The following STK10 variants were observed in gnomAD, a reference collection of about 807,000 sequenced individuals.
STK10 encodes the protein serine/threonine kinase 10.
In STK10, 78 loss-of-function variants were observed where a neutral mutation model predicts 113.8. The observed-to-expected ratio is 0.69, with a 90% CI of 0.57 to 0.83. The LOEUF (loss-of-function observed/expected upper bound fraction) is 0.83, where lower values mean the gene tolerates loss of function less well. Ranked by LOEUF, STK10 falls within the 40% of genes least tolerant of loss-of-function variation. The probability of loss-of-function intolerance (pLI) is 0.00; values close to 1 mark genes in which losing one functional copy is unlikely to be tolerated. For missense variants in STK10, 1,109 were observed against 1,280.1 expected (o/e 0.87, Z 2.04); for synonymous variants, 465 against 494.7 (o/e 0.94, Z 0.80).
In STK10 at chr5:172,094,186, C is replaced by G. The variant is rs150482307; in HGVS notation, c.1006-226G>C. 2.0e-3 allele frequency among the ~76,000 whole-genome samples: 306 copies of G among 152,212 alleles called. 2 individuals are homozygous for G. The Middle Eastern group carries it at 0.02, about 10-fold the overall frequency. On this transcript the variant is annotated intron_variant, in intron 8 of 18. Transcript: ENST00000176763. ...GCAATCTCCTCACTATCTCTAATCT[C>G]AGCTGAATGTAATAGCTGTTATTCC...
intron 3 of STK10, among the ~76,000 whole-genome samples, chr5:172,118,818 G>A (rs978024573): frequency 6.8e-6 from 1 of 146,646 alleles, no homozygotes; most frequent in Non-Finnish European, 1.5e-5. Flanking sequence ...GGCAGAGGTT[G>A]CAGTGAGCCG....
At chr5:172,055,292 C>T (rs150409447) in intron 16 of STK10, among the ~76,000 whole-genome samples, 2,298 of 152,164 alleles carry the variant, frequency 0.015, 28 homozygotes, top group East Asian at 0.041. Context: ...CTCTGCCTCC[C>T]GGGCTCAAGC....
chr5:172,164,740 G>A (rs1047488137), intron 1 of STK10, among the ~76,000 whole-genome samples: 1 of 152,130 alleles, frequency 6.6e-6, no homozygotes, highest in African/African-American at 2.4e-5. Context: ...GGAAAGCTAA[G>A]GGTGGTCCAA....
chr5:172,057,443 T>A lies in STK10; in HGVS notation c.2243A>T (p.Glu748Val), dbSNP rs973911741. Residue 748 changes from glutamate to valine, a missense_variant, in exon 15 of 19, where the codon GAG becomes GTG. Around this residue, in one of 5 missense-constraint regions of STK10, gnomAD observed 885 missense variants for 991.1 expected, o/e 0.89. Transcript: ENST00000176763. ...CTGGTGCCTCTCCTGCAGCTGGTGC[T>A]CTTCCATCTCCCACAGGGCTGCTTC... ...DREAALWEME[E>V]HQLQERHQLV... 5 of 1,550,596 alleles carry A rather than the reference T, an allele frequency of 3.2e-6. No individual in the cohort carries two copies. In the African/African-American group the frequency reaches 6.8e-5, roughly 21 times the overall value.
At chr5:172,059,882 C>G (rs1316088252) in intron 14 of STK10, among the ~76,000 whole-genome samples, 1 of 152,210 alleles carries the variant, frequency 6.6e-6, no homozygotes, top group Non-Finnish European at 1.5e-5. Flanking sequence ...GAACTCCCAA[C>G]AGCACCAGGG....
chr5:172,122,844 C>A (rs555355375), intron 3 of STK10, among the ~76,000 whole-genome samples: 3 of 152,106 alleles, frequency 2.0e-5, no homozygotes, highest in African/African-American at 7.2e-5. Flanking sequence ...AGGATGGTCT[C>A]GATCTCCTGA....
chr5:172,130,266 C>CA (rs1233250205), intron 2 of STK10, among the ~76,000 whole-genome samples: 3 of 152,176 alleles, frequency 2.0e-5, no homozygotes, highest in Non-Finnish European at 4.4e-5. Context: ...GGCAGTGACT[C>CA]ACTCTTGTAA....
chr5:172,091,930 C>T (rs549552787), intron 9 of STK10, among the ~76,000 whole-genome samples: 218 of 152,326 alleles, frequency 1.4e-3, no homozygotes, highest in African/African-American at 5.0e-3. Flanking sequence ...GGTCTCTTGA[C>T]CCCTTGAAAT....
chr5:172,168,216 A>G (rs1770604313), intron 1 of STK10, among the ~76,000 whole-genome samples: 1 of 152,228 alleles, frequency 6.6e-6, no homozygotes, highest in Admixed American at 6.5e-5. Flanking sequence ...GTGTCACACA[A>G]TGTACAGCTG....
rs148783099 is a variant in STK10, at chr5:172,161,314, G to T, written c.157-4526C>A. On this transcript the variant is annotated intron_variant, in intron 1 of 18. Transcript: ENST00000176763. ...TAAAAATACAAAAAATTAGCCAGGC[G>T]TGGTGGTGACCGCCTGTAGTCCCAA... Among the ~76,000 whole-genome samples, 780 of 152,186 alleles carry T rather than the reference G, an allele frequency of 5.1e-3. 10 individuals carry two copies. Among genetic ancestry groups the T allele is most frequent in the African/African-American group, 0.018 (743 of 41,506 alleles).
chr5:172,089,415 T>TGGATGGATGGATGGAA (rs1554118118), intron 10 of STK10, among the ~76,000 whole-genome samples: 7 of 148,224 alleles, frequency 4.7e-5, no homozygotes, highest in Non-Finnish European at 1.0e-4. Flanking sequence ...GATGGATGGA[T>TGGATGGATGGATGGAA]GGATGGATGG....
intron 12 of STK10, among the ~76,000 whole-genome samples, chr5:172,075,591 C>T (rs145490602): frequency 0.013 from 1,932 of 152,228 alleles, 38 homozygotes; most frequent in African/African-American, 0.044. Context: ...GCAGGAGAAT[C>T]GCTTGAACCT....
intron 1 of STK10, among the ~76,000 whole-genome samples, chr5:172,181,965 C>T (rs748177101): frequency 2.6e-5 from 4 of 152,044 alleles, no homozygotes; most frequent in Non-Finnish European, 4.4e-5. Context: ...TTAATTGCTG[C>T]TATTTGTTTG....
chr5:172,081,351 C>CAAAAAAAAAAAAAAAAAAA (rs58173076), intron 12 of STK10, among the ~76,000 whole-genome samples: 1 of 68,616 alleles, frequency 1.5e-5, no homozygotes, highest in Non-Finnish European at 2.9e-5. Flanking sequence ...ACTCCATCTC[C>CAAAAAAAAAAAAAAAAAAA]AAAAAAAAAA....
intron 15 of STK10, 196 bp downstream of exon 15, chr5:172,057,153 A>C: frequency 1.5e-6 from 1 of 661,866 alleles, no homozygotes; most frequent in Non-Finnish European, 2.5e-6. Flanking sequence ...CGTTTCCCCT[A>C]TTCCTAGCCC....
At chr5:172,061,004 T>C (rs1767918680) in intron 14 of STK10, 135 bp downstream of exon 14, 2 of 1,360,682 alleles carry the variant, frequency 1.5e-6, no homozygotes, top group South Asian at 1.6e-5. Context: ...TCCCCAGGTT[T>C]CCCCATGAAG....
rs2113702397 is a variant in STK10 at position 172,061,225 on chromosome 5, G to A, written c.2126C>T (p.Ala709Val). The A allele has an allele frequency of 6.2e-7, 1 of 1,613,206 alleles. No homozygotes were observed. Among genetic ancestry groups the A allele is most frequent in the South Asian group, 1.1e-5 (1 of 91,002 alleles). Residue 709 changes from alanine (A) to valine (V), a missense_variant, in exon 14 of 19, where the codon GCC becomes GTC. Physicochemically the swap from Ala to Val is moderately conservative, Grantham distance 64. Coordinates refer to ENST00000176763, the MANE Select transcript of STK10 (RefSeq NM_005990.4). ...VAKQKEDLEL[A>V]MKRLTTDNRR... is the part of the protein sequence containing the mutation. The stretch of plus-strand genomic sequence containing the variant: ...GTTGTCGGTGGTGAGCCTCTTCATG[G>A]CCAGCTCCAGGTCCTCCTTCTGCTT...
intron 2 of STK10, among the ~76,000 whole-genome samples, chr5:172,152,287 G>C (rs1770249571): frequency 1.3e-5 from 2 of 152,178 alleles, no homozygotes; most frequent in African/African-American, 2.4e-5. Context: ...GGACATATGT[G>C]CATTCAGAAA....
chr5:172,065,292 C>CTTT lies in STK10; in HGVS notation c.1990-483_1990-481dup, dbSNP rs535856789. ...TAACACTAGCCGGGCTGAAAATGCA[C>CTTT]TTTTTTTTTTTTTTTTTTTTGAGAT... On this transcript the variant is annotated intron_variant, in intron 12 of 18. Transcript: ENST00000176763. Among the ~76,000 whole-genome samples the CTTT allele has an allele frequency of 3.4e-4, 42 of 123,166 alleles. 2 individuals are homozygous for CTTT. In the East Asian group the frequency reaches 5.2e-3, roughly 15 times the overall value. The allele number at this position is 123,166 out of a possible 152,430, so 80.8% of individuals were successfully genotyped here.
Sources: allele counts gnomAD v4.1 joint callset (sites outside exome capture counted in the v4.1 genomes callset), GRCh38; gene constraint gnomAD v4.1.1; regional missense constraint gnomAD v4.1.1; transcripts MANE v1.5; gene names NCBI Gene and HGNC (gene_info 2026-07-23, HGNC 2026-07-21).